Variants in USP22 observed in about 807,000 individuals in gnomAD.
The protein encoded by USP22 is ubiquitin specific peptidase 22.
A neutral mutation model predicts 68.1 loss-of-function variants in USP22; 22 were observed. The observed-to-expected ratio is 0.32, with a 90% CI of 0.23 to 0.46. The LOEUF (loss-of-function observed/expected upper bound fraction) is 0.46. Among genes scored for constraint, USP22 ranks in the 20% least tolerant of loss-of-function variants. The pLI is 1.00. For synonymous variants in USP22, 279 were observed against 274.2 expected (o/e 1.02, Z -0.17); for missense variants, 433 against 695.8 (o/e 0.62, Z 4.25).
At chr17:21,016,862 G>A (rs764601935) in intron 5 of USP22, among the ~76,000 whole-genome samples, 2 of 152,128 alleles carry the variant, frequency 1.3e-5, no homozygotes, top group Non-Finnish European at 2.9e-5. Context: ...CTATGCATTC[G>A]TCGAAACTCA....
At position 21,000,601 on chromosome 17, in the gene USP22, C is replaced by G. The variant is rs1315960641; in HGVS notation, c.*2430G>C. The stretch of plus-strand genomic sequence containing the variant: ...TGGCCGGCGGGAGGGGAGGCAGGGT[C>G]TGGCCAAACCCAGGCAGCTGCCAGA... On this transcript the variant is annotated 3_prime_UTR_variant, in exon 13 of 13. Transcript: ENST00000261497. 6.6e-6 allele frequency: 1 copy of G among 152,266 alleles called. No individual in the cohort carries two copies. Among genetic ancestry groups the G allele is most frequent in the Non-Finnish European group, 1.5e-5 (1 of 68,088 alleles). The allele number at this position is 152,266 out of a possible 1,614,324, so 9.4% of individuals were successfully genotyped here. A position where few individuals can be genotyped will look rare whatever the true frequency, so the allele number is the denominator to read the frequency against.
In USP22 at chr17:21,042,657, G is replaced by A. The variant is rs1460646578; in HGVS notation, c.171+8C>T. 3.9e-6 allele frequency: 5 copies of A among 1,267,184 alleles called. No homozygotes were observed. The highest frequency in any genetic ancestry group is 2.6e-5 in the South Asian group (1 of 37,794). The allele number at this position is 1,267,184 out of a possible 1,614,324, so 78.5% of individuals were successfully genotyped here. On this transcript the variant is annotated splice_region_variant and intron_variant, in intron 1 of 12. Transcript: ENST00000261497. Reference sequence around the variant, plus strand: ...CGAGCCCGCCGCGCGGTGGGCTGCCGGGCGCACCTTGCGCTTGCGGGCCTC... The same window carrying A: ...CGAGCCCGCCGCGCGGTGGGCTGCCAGGCGCACCTTGCGCTTGCGGGCCTC...
intron 1 of USP22, chr17:21,042,223 G>A (rs1030859595): frequency 1.3e-5 from 2 of 154,912 alleles, no homozygotes; most frequent in Non-Finnish European, 2.9e-5. Context: ...CAAGGACCTC[G>A]CGCAGGAACG....
chr17:21,016,122 T>C (rs1914124862), intron 5 of USP22, among the ~76,000 whole-genome samples: 1 of 152,164 alleles, frequency 6.6e-6, no homozygotes, highest in Non-Finnish European at 1.5e-5. Flanking sequence ...CCATCTAGTT[T>C]TCCACATATA....
chr17:21,014,750 A>C (rs150671956), intron 6 of USP22, among the ~76,000 whole-genome samples: 2 of 152,236 alleles, frequency 1.3e-5, no homozygotes, highest in East Asian at 3.9e-4. Flanking sequence ...TGTTCTCTAA[A>C]AGACTCCAAG....
rs369229283 is a variant in USP22, at chr17:21,034,105, T to C, written c.172-5431A>G. Among the ~76,000 whole-genome samples, 185 of 152,098 alleles carry C rather than the reference T, an allele frequency of 1.2e-3. 6 individuals carry two copies. In the South Asian group the frequency reaches 0.036, roughly 30 times the overall value. ...ATACGGCACTAAAAAGCTAAAGACT[T>C]TGCCAAAATTAGATAATCTTCTCAA... On this transcript the variant is annotated intron_variant, in intron 1 of 12. Transcript: ENST00000261497.
At chr17:21,040,887 C>CTTTT (rs376506784) in intron 1 of USP22, among the ~76,000 whole-genome samples, 27 of 142,892 alleles carry the variant, frequency 1.9e-4, no homozygotes, top group Middle Eastern at 3.6e-3. Context: ...CCAGGCCACC[C>CTTTT]TTTTTTTTTT....
At chr17:21,039,044 C>G (rs1385649460) in intron 1 of USP22, among the ~76,000 whole-genome samples, 1 of 151,986 alleles carries the variant, frequency 6.6e-6, no homozygotes, top group African/African-American at 2.4e-5. Flanking sequence ...CTCCGCCTCC[C>G]TGGTTCAAGC....
intron 5 of USP22, among the ~76,000 whole-genome samples, chr17:21,016,766 C>T (rs1326535296): frequency 6.6e-6 from 1 of 152,172 alleles, no homozygotes; most frequent in Non-Finnish European, 1.5e-5. Flanking sequence ...CTACCAGGGT[C>T]TGGGGACTGG....
chr17:21,018,134 C>T (rs1227133542), intron 4 of USP22, 23 bp from the exon 5 acceptor site: 11 of 1,547,756 alleles, frequency 7.1e-6, no homozygotes, highest in Non-Finnish European at 9.6e-6. Context: ...CACCAGAGAG[C>T]AGGAGTTACC....
rs143645452 is a variant in USP22 at position 21,024,088 on chromosome 17, C to T, written c.305-2862G>A. Among the ~76,000 whole-genome samples, 28 of 152,272 alleles carry T rather than the reference C, an allele frequency of 1.8e-4. No homozygotes were observed. In the East Asian group the frequency reaches 4.4e-3, roughly 24 times the overall value. On this transcript the variant is annotated intron_variant, in intron 2 of 12. Transcript: ENST00000261497. ...CCTTCTGCCCTACTCAAAAAATTCACAAAATGCCAACAACGATGTTAAAAT... is the reference window on the plus strand; with the variant it reads ...CCTTCTGCCCTACTCAAAAAATTCATAAAATGCCAACAACGATGTTAAAAT...
chr17:21,008,307 T>C (rs1913841324), intron 8 of USP22, among the ~76,000 whole-genome samples: 1 of 152,164 alleles, frequency 6.6e-6, no homozygotes, highest in South Asian at 2.1e-4. Flanking sequence ...ACACACAAAC[T>C]GTCCACAAAT....
chr17:21,014,469 T>C (rs8064435), intron 6 of USP22, among the ~76,000 whole-genome samples: 113,134 of 152,146 alleles, frequency 0.74, 42,545 homozygotes, highest in South Asian at 0.82. Flanking sequence ...TAAGTAACTT[T>C]CCTTTGATTT....
intron 1 of USP22, among the ~76,000 whole-genome samples, chr17:21,036,108 G>T (rs993111452): frequency 7.1e-6 from 1 of 141,806 alleles, no homozygotes; most frequent in African/African-American, 2.7e-5. Context: ...CTAGACAAAA[G>T]AAGCCAGTAT....
At chr17:21,027,723 C>T (rs578229223) in intron 2 of USP22, among the ~76,000 whole-genome samples, 60 of 152,310 alleles carry the variant, frequency 3.9e-4, no homozygotes, top group African/African-American at 1.3e-3. Flanking sequence ...AATCCCTGCA[C>T]TTTGGGAGGC....
intron 2 of USP22, among the ~76,000 whole-genome samples, chr17:21,027,242 C>T (rs1047160865): frequency 3.6e-5 from 5 of 137,444 alleles, no homozygotes; most frequent in Non-Finnish European, 6.2e-5. Flanking sequence ...GAGCCATGAC[C>T]GCGCCACTGC....
intron 7 of USP22, 199 bp from the exon 8 acceptor site, chr17:21,011,508 G>T (rs1249884917): frequency 4.7e-6 from 3 of 634,566 alleles, no homozygotes; most frequent in Non-Finnish European, 7.9e-6. Flanking sequence ...CCTGGGGAGG[G>T]GTGTGTGTGA....
At chr17:21,008,439 G>A (rs2143527698) in intron 8 of USP22, among the ~76,000 whole-genome samples, 1 of 149,732 alleles carries the variant, frequency 6.7e-6, no homozygotes, top group Admixed American at 6.6e-5. Context: ...CAGCAAAAAA[G>A]GAAGGAACTA....
chr17:21,043,299 ACC>A (rs764623373), upstream of USP22: 87 of 11,530 alleles, frequency 7.5e-3, 33 homozygotes, highest in Non-Finnish European at 7.1e-3. Flanking sequence ...GTAGTAGGCC[ACC>A]CCCCCCCCCC....
Sources: allele counts gnomAD v4.1 joint callset (sites outside exome capture counted in the v4.1 genomes callset), GRCh38; gene constraint gnomAD v4.1.1; transcripts MANE v1.5; gene names NCBI Gene and HGNC (gene_info 2026-07-23, HGNC 2026-07-21).